The following KLHL4 variants were observed in gnomAD, a reference collection of about 807,000 sequenced individuals.
KLHL4 encodes the protein kelch like family member 4, also known as kelch-like protein 4.
KLHL4 carries 17 observed loss-of-function variants against 45.8 expected under a neutral mutation model. That is an observed-to-expected ratio of 0.37 (90% confidence interval 0.25 to 0.56). The LOEUF is 0.56. Among genes scored for constraint, KLHL4 ranks in the 20% least tolerant of loss-of-function variants. The probability of loss-of-function intolerance (pLI) is 0.79; values close to 1 mark genes in which losing one functional copy is unlikely to be tolerated. For synonymous variants in KLHL4, 224 were observed against 189.9 expected (o/e 1.18, Z -1.47); for missense variants, 544 against 544.9 (o/e 1.00, Z 0.02).
At chrX:87,592,698 C>T (rs1054033258) in intron 1 of KLHL4, among the ~76,000 whole-genome samples, 1 of 111,930 alleles carries the variant, frequency 8.9e-6, no homozygotes, top group Admixed American at 9.5e-5. Context: ...ACCCCTCTGC[C>T]CTTTGTATGT....
intron 1 of KLHL4, among the ~76,000 whole-genome samples, chrX:87,550,226 C>T (rs1028753222): frequency 1.8e-5 from 2 of 110,443 alleles, no homozygotes; most frequent in Non-Finnish European, 3.8e-5. Context: ...AAACCTGAGC[C>T]GACCAATAAC....
chrX:87,604,900 A>G (rs1054225895), intron 1 of KLHL4, among the ~76,000 whole-genome samples: 1 of 110,738 alleles, frequency 9.0e-6, no homozygotes, highest in Non-Finnish European at 1.9e-5. Context: ...AATACTTTTG[A>G]GTGTTATATG....
At chrX:87,638,520 G>A (rs1372857956) in intron 9 of KLHL4, among the ~76,000 whole-genome samples, 1 of 111,979 alleles carries the variant, frequency 8.9e-6, no homozygotes, top group South Asian at 3.7e-4. Context: ...ACAAGCTAGA[G>A]GGGATTGAGG....
Position 87,545,516 on chromosome X carries a change from A to G in KLHL4, c.422+27201A>G, listed in dbSNP as rs775600060. Among the ~76,000 whole-genome samples the G allele has an allele frequency of 3.5e-4, 39 of 111,746 alleles. 1 individual carries two copies. The highest frequency in any genetic ancestry group is 7.6e-4 in the Admixed American group (8 of 10,459). ...TCTGACATGATTGTTAAGTTTCTTG[A>G]GGTCTTCCCAGCCATGCAGAACTGT... is the stretch of plus-strand genomic sequence containing the variant. On this transcript the variant is annotated intron_variant, in intron 1 of 10. Coordinates refer to ENST00000373119, the MANE Select transcript of KLHL4 (RefSeq NM_019117.5).
chrX:87,603,071 G>C (rs1922070225), intron 1 of KLHL4, among the ~76,000 whole-genome samples: 1 of 111,506 alleles, frequency 9.0e-6, no homozygotes, highest in African/African-American at 3.3e-5. Flanking sequence ...CAACAGAGCA[G>C]GGAATTATGG....
intron 1 of KLHL4, among the ~76,000 whole-genome samples, chrX:87,526,627 C>T (rs1439927815): frequency 3.6e-5 from 4 of 111,707 alleles, no homozygotes; most frequent in Non-Finnish European, 5.6e-5. Flanking sequence ...TTTAATACAA[C>T]TATGGGAAAT....
chrX:87,602,824 G>C (rs1265154207), intron 1 of KLHL4, among the ~76,000 whole-genome samples: 1 of 111,832 alleles, frequency 8.9e-6, no homozygotes, highest in East Asian at 2.8e-4. Context: ...CCTGTCTGCT[G>C]TTACCTCATT....
intron 1 of KLHL4, among the ~76,000 whole-genome samples, chrX:87,543,318 G>A (rs1299709469): frequency 9.0e-6 from 1 of 111,590 alleles, no homozygotes; most frequent in African/African-American, 3.3e-5. Flanking sequence ...GGAATGGAAA[G>A]TTCCACCAAT....
At chrX:87,570,483 T>G (rs1932314057) in intron 1 of KLHL4, among the ~76,000 whole-genome samples, 1 of 110,659 alleles carries the variant, frequency 9.0e-6, no homozygotes, top group African/African-American at 3.3e-5. Flanking sequence ...TCATTTATCT[T>G]CCAAACATGA....
At chrX:87,565,292 A>C (rs1425998472) in intron 1 of KLHL4, among the ~76,000 whole-genome samples, 3 of 112,108 alleles carry the variant, frequency 2.7e-5, no homozygotes, top group Non-Finnish European at 5.6e-5. Context: ...TGTGCAGAAA[A>C]AGACAGTGGA....
In KLHL4 at chrX:87,633,734, T is replaced by C; in HGVS notation, c.1550-15T>C. 1 of 1,160,898 alleles carries C rather than the reference T, an allele frequency of 8.6e-7. No homozygotes were observed. Among genetic ancestry groups the C allele is most frequent in the African/African-American group, 1.8e-5 (1 of 56,310 alleles). ...CATACCTAGGTGAACCCACATATTA[T>C]TTTAATTTTTTTAGGTGTAGCCACT... On this transcript the variant is annotated splice_polypyrimidine_tract_variant and intron_variant, in intron 7 of 10. Coordinates refer to ENST00000373119, the MANE Select transcript of KLHL4 (RefSeq NM_019117.5).
intron 1 of KLHL4, among the ~76,000 whole-genome samples, chrX:87,583,172 G>A (rs1921343432): frequency 8.9e-6 from 1 of 112,218 alleles, no homozygotes; most frequent in Admixed American, 9.4e-5. Context: ...ACAGAGCACT[G>A]ATTGGTGCAT....
At chrX:87,579,300 A>G (rs775763914) in intron 1 of KLHL4, among the ~76,000 whole-genome samples, 33 of 111,823 alleles carry the variant, frequency 3.0e-4, no homozygotes, top group African/African-American at 1.1e-3. Flanking sequence ...AAAAGGTTTG[A>G]GAAGCTTCCA....
Position 87,669,568 on chromosome X carries a change from G to A in KLHL4, c.*3034G>A. On this transcript the variant is annotated 3_prime_UTR_variant, in exon 11 of 11. Coordinates refer to ENST00000373119, the MANE Select transcript of KLHL4 (RefSeq NM_019117.5). ...GATTTTATTTTAAGTTCTCTAACAA[G>A]ACTCCTACCTTGAGATCTTAGTCTA... 14 of 448,009 alleles carry A rather than the reference G, an allele frequency of 3.1e-5. No individual in the cohort carries two copies. The highest frequency in any genetic ancestry group is 7.4e-5 in the South Asian group (1 of 13,480). The allele number at this position is 448,009 out of a possible 1,213,427, so 36.9% of individuals were successfully genotyped here. A position where few individuals can be genotyped will look rare whatever the true frequency, so the allele number is the denominator to read the frequency against.
At chrX:87,540,976 G>A (rs1051460068) in intron 1 of KLHL4, among the ~76,000 whole-genome samples, 3 of 110,776 alleles carry the variant, frequency 2.7e-5, no homozygotes, top group African/African-American at 9.8e-5. Flanking sequence ...TATAATCTTA[G>A]GGAACCACTG....
intron 1 of KLHL4, among the ~76,000 whole-genome samples, chrX:87,565,728 G>A (rs5969262): frequency 0.22 from 20,964 of 95,755 alleles, 2,693 homozygotes; most frequent in East Asian, 0.49. Context: ...ATGAATTAGG[G>A]GACACTACTG....
chrX:87,669,571 T>C lies in KLHL4; in HGVS notation c.*3037T>C. On this transcript the variant is annotated 3_prime_UTR_variant, in exon 11 of 11. Transcript: ENST00000373119. Reference sequence around the variant, plus strand: ...TTTATTTTAAGTTCTCTAACAAGACTCCTACCTTGAGATCTTAGTCTAGGT... The same window carrying C: ...TTTATTTTAAGTTCTCTAACAAGACCCCTACCTTGAGATCTTAGTCTAGGT... The C allele has an allele frequency of 4.5e-6, 2 of 445,604 alleles. No individual in the cohort carries two copies. The highest frequency in any genetic ancestry group is 3.4e-6 in the Non-Finnish European group (1 of 292,663). 36.7% of individuals were successfully genotyped at this position (445,604 alleles called of 1,213,427 possible). A position where few individuals can be genotyped will look rare whatever the true frequency, so the allele number is the denominator to read the frequency against.
chrX:87,618,873 C>T (rs1922654177), intron 4 of KLHL4, among the ~76,000 whole-genome samples: 2 of 111,825 alleles, frequency 1.8e-5, no homozygotes, highest in African/African-American at 6.5e-5. Flanking sequence ...ACTTACAGCT[C>T]AATTCATTAA....
intron 1 of KLHL4, among the ~76,000 whole-genome samples, chrX:87,544,588 C>A (rs1269641731): frequency 9.0e-6 from 1 of 111,569 alleles, no homozygotes; most frequent in African/African-American, 3.3e-5. Flanking sequence ...CCACACCAAG[C>A]ATTCAGTGGC....
Sources: allele counts gnomAD v4.1 joint callset (sites outside exome capture counted in the v4.1 genomes callset), GRCh38; gene constraint gnomAD v4.1.1; transcripts MANE v1.5; gene names NCBI Gene and HGNC (gene_info 2026-07-23, HGNC 2026-07-21).